NUBPL: variants seen among roughly 807,000 people sequenced by gnomAD.
NUBPL encodes the protein iron-sulfur cluster transfer protein NUBPL.
A neutral mutation model predicts 45.7 loss-of-function variants in NUBPL; 31 were observed. The ratio of observed to expected loss-of-function variants is 0.68; its 90% CI spans 0.51 to 0.92. The LOEUF is 0.92. NUBPL is among the 40% of genes least tolerant of loss of function. The pLI is 0.00. For missense variants in NUBPL, 401 were observed against 398.7 expected (o/e 1.01, Z -0.05); for synonymous variants, 144 against 140.9 (o/e 1.02, Z -0.15).
At chr14:31,574,431 AT>A (rs1284297942) in intron 3 of NUBPL, among the ~76,000 whole-genome samples, 1 of 150,596 alleles carries the variant, frequency 6.6e-6, no homozygotes, top group Non-Finnish European at 1.5e-5. Context: ...TGTTCAGTTA[AT>A]TTTTTGTAGT....
At chr14:31,833,349 TTA>T (rs1315174608) in intron 8 of NUBPL, among the ~76,000 whole-genome samples, 1 of 152,030 alleles carries the variant, frequency 6.6e-6, no homozygotes, top group African/African-American at 2.4e-5. Context: ...AGCCTGAGTG[TTA>T]TAGAGTGAGA....
intron 3 of NUBPL, among the ~76,000 whole-genome samples, chr14:31,579,838 G>C (rs2033817122): frequency 6.6e-6 from 1 of 152,160 alleles, no homozygotes; most frequent in Admixed American, 6.5e-5. Context: ...AATATCTAGG[G>C]TGTTACCTGG....
At chr14:31,638,013 G>C (rs2035559038) in intron 4 of NUBPL, among the ~76,000 whole-genome samples, 1 of 152,164 alleles carries the variant, frequency 6.6e-6, no homozygotes, top group African/African-American at 2.4e-5. Context: ...CCTGAATACA[G>C]CACACGGATG....
rs369963294 is a variant in NUBPL at position 31,756,416 on chromosome 14, G to A, written c.514-31364G>A. Among the ~76,000 whole-genome samples the A allele has an allele frequency of 4.6e-3, 690 of 151,130 alleles. 5 individuals are homozygous for A. The highest frequency in any genetic ancestry group is 0.021 in the South Asian group (99 of 4,804). ...AGTTCTCCTTGAAGAGGTCCTTCACGTCCCTTGTAAGTTGGATTCCTAGGA... is the reference window on the plus strand; with the variant it reads ...AGTTCTCCTTGAAGAGGTCCTTCACATCCCTTGTAAGTTGGATTCCTAGGA... On this transcript the variant is annotated intron_variant, in intron 6 of 10. Coordinates refer to ENST00000281081, the MANE Select transcript of NUBPL (RefSeq NM_025152.3).
At chr14:31,614,833 G>C (rs1246189075) in intron 4 of NUBPL, among the ~76,000 whole-genome samples, 3 of 152,208 alleles carry the variant, frequency 2.0e-5, no homozygotes, top group African/African-American at 7.2e-5. Context: ...AGTACATGCT[G>C]TAATAGAAAT....
intron 6 of NUBPL, among the ~76,000 whole-genome samples, chr14:31,769,023 A>G (rs2138755378): frequency 6.6e-6 from 1 of 152,300 alleles, no homozygotes; most frequent in East Asian, 1.9e-4. Context: ...TTACAAGTGG[A>G]TGTTTAAAGG....
Position 31,790,243 on chromosome 14 carries a change from T to C in NUBPL, c.607+2370T>C, listed in dbSNP as rs116269877. 2.4e-3 allele frequency among the ~76,000 whole-genome samples: 359 copies of C among 152,362 alleles called. 2 individuals carry two copies. Among genetic ancestry groups the C allele is most frequent in the African/African-American group, 8.3e-3 (344 of 41,596 alleles). On this transcript the variant is annotated intron_variant, in intron 7 of 10. Transcript: ENST00000281081. The stretch of plus-strand genomic sequence containing the variant: ...GACAAGATTTATGATTAAATTACCC[T>C]ATTTTAGTTTGTATTTATACTCTAA...
chr14:31,679,128 A>G (rs1333486773), intron 6 of NUBPL, among the ~76,000 whole-genome samples: 1 of 152,214 alleles, frequency 6.6e-6, no homozygotes, highest in Non-Finnish European at 1.5e-5. Context: ...CCCCAAGCAC[A>G]CAGATTCTCT....
At chr14:31,619,949 A>G (rs2035015549) in intron 4 of NUBPL, among the ~76,000 whole-genome samples, 1 of 152,040 alleles carries the variant, frequency 6.6e-6, no homozygotes, top group South Asian at 2.1e-4. Context: ...CTATTTACAT[A>G]GTCCCATATT....
intron 4 of NUBPL, among the ~76,000 whole-genome samples, chr14:31,650,379 T>A (rs960788241): frequency 6.9e-6 from 1 of 145,468 alleles, no homozygotes; most frequent in African/African-American, 2.6e-5. Context: ...AAGCTCCGCC[T>A]CCCAGGTTCA....
At chr14:31,573,562 T>C (rs1328509127) in intron 3 of NUBPL, among the ~76,000 whole-genome samples, 1 of 152,234 alleles carries the variant, frequency 6.6e-6, no homozygotes, top group Non-Finnish European at 1.5e-5. Flanking sequence ...CTATGTTTTT[T>C]TGGTGGAATA....
At chr14:31,620,381 C>T (rs1046215237) in intron 4 of NUBPL, among the ~76,000 whole-genome samples, 3 of 152,122 alleles carry the variant, frequency 2.0e-5, no homozygotes, top group Non-Finnish European at 4.4e-5. Flanking sequence ...GAATTTTCAG[C>T]CTTTTTGTAC....
intron 8 of NUBPL, among the ~76,000 whole-genome samples, chr14:31,827,869 TCA>T (rs1396367246): frequency 2.0e-5 from 3 of 152,220 alleles, no homozygotes; most frequent in Non-Finnish European, 2.9e-5. Flanking sequence ...TGTTTATCTC[TCA>T]GAGGGCTTCT....
intron 4 of NUBPL, among the ~76,000 whole-genome samples, chr14:31,652,554 A>C (rs1384607812): frequency 6.6e-6 from 1 of 152,208 alleles, no homozygotes; most frequent in African/African-American, 2.4e-5. Flanking sequence ...AATATATATA[A>C]ATTTTGTCAA....
intron 4 of NUBPL, among the ~76,000 whole-genome samples, chr14:31,645,180 C>T (rs538586966): frequency 6.6e-6 from 1 of 152,094 alleles, no homozygotes; most frequent in East Asian, 1.9e-4. Flanking sequence ...ATTCTCCTGC[C>T]TCAGCCTCCC....
intron 3 of NUBPL, among the ~76,000 whole-genome samples, chr14:31,595,187 T>A (rs1228013745): frequency 2.0e-5 from 3 of 152,226 alleles, no homozygotes; most frequent in Non-Finnish European, 4.4e-5. Context: ...TACTCTTGAA[T>A]AATTCTGCCA....
At chr14:31,697,419 T>C (rs2037237388) in intron 6 of NUBPL, among the ~76,000 whole-genome samples, 1 of 152,168 alleles carries the variant, frequency 6.6e-6, no homozygotes, top group African/African-American at 2.4e-5. Context: ...AATAAATAAA[T>C]TAAAAGGAGG....
intron 6 of NUBPL, among the ~76,000 whole-genome samples, chr14:31,761,195 T>C (rs1019284513): frequency 6.6e-6 from 1 of 152,138 alleles, no homozygotes; most frequent in Non-Finnish European, 1.5e-5. Flanking sequence ...GAATTTTTTT[T>C]TGGAGATCAG....
At chr14:31,666,855 T>C (rs1199382353) in intron 4 of NUBPL, among the ~76,000 whole-genome samples, 2 of 152,180 alleles carry the variant, frequency 1.3e-5, no homozygotes, top group Admixed American at 1.3e-4. Context: ...AAAATTCTTT[T>C]CTTTAAGAAT....
Sources: allele counts gnomAD v4.1 joint callset (sites outside exome capture counted in the v4.1 genomes callset), GRCh38; gene constraint gnomAD v4.1.1; transcripts MANE v1.5; gene names NCBI Gene and HGNC (gene_info 2026-07-23, HGNC 2026-07-21).